Variants in RALGDS observed in about 807,000 individuals in gnomAD.
RALGDS encodes the protein ral guanine nucleotide dissociation stimulator.
In RALGDS, 44 loss-of-function variants were observed where a neutral mutation model predicts 99.8. The observed-to-expected ratio is 0.44, with a 90% CI of 0.35 to 0.57. The LOEUF (loss-of-function observed/expected upper bound fraction) is 0.57, where lower values mean the gene tolerates loss of function less well. Among genes scored for constraint, RALGDS ranks in the 20% least tolerant of loss-of-function variants. The pLI is 0.01. For synonymous variants in RALGDS, 529 were observed against 505.0 expected, an observed-to-expected ratio of 1.05 and a Z score of -0.64; for missense variants, 1,022 against 1,203.1, an observed-to-expected ratio of 0.85 and a Z score of 2.23.
Position 133,108,464 on chromosome 9 carries a change from A to C in RALGDS, c.779-58T>G, listed in dbSNP as rs190539417. 4.5e-4 allele frequency: 678 copies of C among 1,493,986 alleles called. 4 individuals carry two copies. In the African/African-American group the frequency reaches 8.4e-3, roughly 19 times the overall value. 92.5% of individuals were successfully genotyped at this position (1,493,986 alleles called of 1,614,324 possible). A position where few individuals can be genotyped will look rare whatever the true frequency, so the allele number is the denominator to read the frequency against. ...GCCTTTCCTGTGCCTTTCCAAAGACACAGAACAGCCCCGGCTTCCAGAGAA... is the reference window on the plus strand; with the variant it reads ...GCCTTTCCTGTGCCTTTCCAAAGACCCAGAACAGCCCCGGCTTCCAGAGAA... On this transcript the variant is annotated intron_variant, in intron 5 of 17. Transcript: ENST00000372050.
chr9:133,108,800 G>C lies in RALGDS; in HGVS notation c.651C>G (p.Asp217Glu). 6.2e-7 allele frequency: 1 copy of C among 1,613,464 alleles called. No homozygotes were observed. The highest frequency in any genetic ancestry group is 8.5e-7 in the Non-Finnish European group (1 of 1,179,988). The change falls in exon 5 of 18, where the codon GAC becomes GAG. Residue 217 changes from aspartate (D) to glutamate (E), a missense_variant. This residue lies in a region of RALGDS where 825 missense variants were observed against 994.5 expected (regional missense o/e 0.83). Transcript: ENST00000372050. ...CCACCAGCTGCTTGAGGCAGGGAAAGTCCGGAGGTTGACAGAAATCCTCCG... is the reference window on the plus strand; with the variant it reads ...CCACCAGCTGCTTGAGGCAGGGAAACTCCGGAGGTTGACAGAAATCCTCCG... ...QYSEDFCQPP[D>E]FPCLKQLVAY...
intron 6 of RALGDS, 87 bp downstream of exon 6, chr9:133,107,901 G>C: frequency 2.0e-6 from 3 of 1,523,882 alleles, no homozygotes; most frequent in Non-Finnish European, 2.7e-6. Flanking sequence ...CAGAACATCA[G>C]CTCTGGATCA....
intron 1 of RALGDS, among the ~76,000 whole-genome samples, chr9:133,143,987 G>A (rs1832581661): frequency 6.6e-6 from 1 of 151,966 alleles, no homozygotes; most frequent in Non-Finnish European, 1.5e-5. Flanking sequence ...GCCTCTGAGG[G>A]GCTGTGCTGA....
At chr9:133,100,746 G>A (rs1472342775) in intron 16 of RALGDS, 17 of 1,172,040 alleles carry the variant, frequency 1.5e-5, no homozygotes, top group Non-Finnish European at 1.7e-5. Context: ...TCCAAGCCCT[G>A]GAGGTAAGAA....
chr9:133,122,697 A>T (rs1390711407), upstream of RALGDS, among the ~76,000 whole-genome samples: 1 of 152,230 alleles, frequency 6.6e-6, no homozygotes, highest in Non-Finnish European at 1.5e-5. Context: ...GTATTTTAAT[A>T]ATCAGCTCTA....
chr9:133,145,816 C>T (rs188334316), intron 1 of RALGDS, among the ~76,000 whole-genome samples: 10 of 152,330 alleles, frequency 6.6e-5, no homozygotes, highest in African/African-American at 1.4e-4. Flanking sequence ...GACATCACCA[C>T]GCTAATGTGA....
chr9:133,137,513 G>A (rs1285414261), intron 1 of RALGDS, among the ~76,000 whole-genome samples: 1 of 152,246 alleles, frequency 6.6e-6, no homozygotes, highest in Non-Finnish European at 1.5e-5. Context: ...CAGGGGGCCG[G>A]AGGGCCAGGG....
upstream of RALGDS, among the ~76,000 whole-genome samples, chr9:133,123,967 C>T (rs868087260): frequency 4.1e-4 from 47 of 114,618 alleles, no homozygotes; most frequent in Admixed American, 5.4e-4. Context: ...CAGAGACACA[C>T]ACATAGAGAC....
In RALGDS at chr9:133,149,079, T is replaced by A; in HGVS notation, c.-99A>T. On this transcript the variant is annotated 5_prime_UTR_variant, in exon 1 of 18. Transcript: ENST00000393160. ...CGCGCGGCGCAGGGGTGCGCCCGGC[T>A]GCGGGGCTCATGGCGCGGCCTCCGG... The A allele has an allele frequency of 2.2e-6, 2 of 914,776 alleles. 1 individual carries two copies. Among genetic ancestry groups the A allele is most frequent in the Non-Finnish European group, 2.8e-6 (2 of 719,812 alleles). The allele number at this position is 914,776 out of a possible 1,614,324, so 56.7% of individuals were successfully genotyped here.
At chr9:133,100,698 A>G (rs1830714903) in intron 16 of RALGDS, 2 of 1,248,988 alleles carry the variant, frequency 1.6e-6, no homozygotes, top group East Asian at 8.8e-5. Context: ...CCTCCAGGAT[A>G]ACAGCATCAC....
chr9:133,106,071 G>T, intron 8 of RALGDS, 55 bp from the exon 9 acceptor site: 1 of 1,395,460 alleles, frequency 7.2e-7, no homozygotes, highest in Non-Finnish European at 1.0e-6. Flanking sequence ...GGAGGGGTGT[G>T]AGTGCAAATC....
In RALGDS at chr9:133,098,667, C is replaced by T. The variant is rs143209866; in HGVS notation, c.2665G>A (p.Val889Met). The change falls in exon 18 of 18, where the codon GTG becomes ATG. Residue 889 changes from valine to methionine, a missense_variant. This residue lies in a region of RALGDS where 825 missense variants were observed against 994.5 expected (regional missense o/e 0.83). Coordinates refer to ENST00000372050, the MANE Select transcript of RALGDS (RefSeq NM_006266.4). ...GAGCTGGCTCCGTGCTTGACCTTCA[C>T]TCCCTTGGTGAAGGTCCGCTTCTTG... ...VLKKRTFTKG[V>M]KVKHGASSTL... The T allele has an allele frequency of 2.0e-4, 316 of 1,614,052 alleles. No homozygotes were observed. In the African/African-American group the frequency reaches 4.0e-3, roughly 20 times the overall value.
At chr9:133,135,308 G>A (rs564338203), upstream of RALGDS, among the ~76,000 whole-genome samples, 78 of 152,314 alleles carry the variant, frequency 5.1e-4, no homozygotes, top group Middle Eastern at 6.8e-3. Context: ...GGCAGTTGGG[G>A]CTTGGCACCA....
At chr9:133,104,903 A>G (rs1588516277) in intron 9 of RALGDS, among the ~76,000 whole-genome samples, 1 of 151,996 alleles carries the variant, frequency 6.6e-6, no homozygotes, top group Admixed American at 6.6e-5. Context: ...TCTCCCTTGA[A>G]CCTTCCATAA....
intron 15 of RALGDS, 38 bp downstream of exon 15, chr9:133,101,900 G>A: frequency 6.4e-7 from 1 of 1,550,936 alleles, no homozygotes; most frequent in Non-Finnish European, 8.7e-7. Context: ...GGAGTGGGGA[G>A]ATGGGAAAGG....
At chr9:133,125,598 TG>T (rs2119233697), upstream of RALGDS, among the ~76,000 whole-genome samples, 1 of 152,246 alleles carries the variant, frequency 6.6e-6, no homozygotes, top group South Asian at 2.1e-4. Context: ...TAGCCTGGCA[TG>T]GTGACGCGTG....
rs767685442 is a variant in RALGDS, at chr9:133,098,716, A to G, written c.2616T>C (p.Ser872=). ...TGAGGACAAAGTCATAGTTGGCGGTAGAGTTCATGGCATAGAAGACGTTGG... is the reference window on the plus strand; with the variant it reads ...TGAGGACAAAGTCATAGTTGGCGGTGGAGTTCATGGCATAGAAGACGTTGG... The part of the protein sequence containing the change: ...ENANVFYAMN[S]TANYDFVLKK... The change falls in exon 18 of 18, where the codon TCT becomes TCC. Residue 872 remains serine (S), a synonymous_variant. Coordinates refer to ENST00000372050, the MANE Select transcript of RALGDS (RefSeq NM_006266.4). 1.2e-6 allele frequency: 2 copies of G among 1,614,060 alleles called. No individual in the cohort carries two copies. Among genetic ancestry groups the G allele is most frequent in the African/African-American group, 1.3e-5 (1 of 75,026 alleles).
chr9:133,100,647 G>A (rs1436826895), intron 16 of RALGDS: 15 of 1,357,078 alleles, frequency 1.1e-5, no homozygotes, highest in Non-Finnish European at 1.4e-5. Context: ...TCCTGTAAGA[G>A]ACTGTTCCCT....
chr9:133,106,157 GCA>G, intron 8 of RALGDS, 141 bp from the exon 9 acceptor site: 2 of 694,830 alleles, frequency 2.9e-6, no homozygotes, highest in Non-Finnish European at 5.2e-6. Context: ...CTAACGCTCT[GCA>G]GGTCTGGGGA....
Sources: allele counts gnomAD v4.1 joint callset (sites outside exome capture counted in the v4.1 genomes callset), GRCh38; gene constraint gnomAD v4.1.1; regional missense constraint gnomAD v4.1.1; transcripts MANE v1.5; gene names NCBI Gene and HGNC (gene_info 2026-07-23, HGNC 2026-07-21).